The following XIRP2 variants were observed in gnomAD, a reference collection of about 807,000 sequenced individuals.
XIRP2 encodes the protein xin actin binding repeat containing 2.
XIRP2 carries 236 observed loss-of-function variants against 277.0 expected under a neutral mutation model. That is an observed-to-expected ratio of 0.85 (90% CI 0.77 to 0.95). XIRP2 has a LOEUF of 0.95. XIRP2 is among the 40% of genes least tolerant of loss of function. The pLI is 0.00. For missense variants in XIRP2, 4,640 were observed against 4,157.5 expected, an observed-to-expected ratio of 1.12 and a Z score of -3.19; for synonymous variants, 1,490 against 1,416.5, an observed-to-expected ratio of 1.05 and a Z score of -1.17.
intron 2 of XIRP2, among the ~76,000 whole-genome samples, chr2:167,035,333 C>T (rs947049753): frequency 1.3e-5 from 2 of 152,124 alleles, no homozygotes; most frequent in Non-Finnish European, 2.9e-5. Context: ...TTGTTGAATG[C>T]CTTTGTTGAA....
intron 2 of XIRP2, among the ~76,000 whole-genome samples, chr2:166,947,881 AT>A (rs1685921413): frequency 6.6e-6 from 1 of 152,128 alleles, no homozygotes; most frequent in African/African-American, 2.4e-5. Flanking sequence ...AAGTGAATGG[AT>A]AAACTGGTAC....
intron 2 of XIRP2, among the ~76,000 whole-genome samples, chr2:166,920,163 TA>T (rs1685000064): frequency 6.6e-6 from 1 of 152,300 alleles, no homozygotes; most frequent in African/African-American, 2.4e-5. Flanking sequence ...ATCTACCAGG[TA>T]CTGAGCTGAA....
At chr2:166,995,024 G>A (rs1243921310) in intron 2 of XIRP2, among the ~76,000 whole-genome samples, 2 of 151,656 alleles carry the variant, frequency 1.3e-5, no homozygotes, top group East Asian at 3.9e-4. Context: ...TGGGACTACA[G>A]GTGCGCACCA....
chr2:167,000,591 G>C (rs1346441870), intron 2 of XIRP2, among the ~76,000 whole-genome samples: 3 of 150,272 alleles, frequency 2.0e-5, no homozygotes, highest in South Asian at 4.2e-4. Context: ...TGTTTCTTTT[G>C]TTATGTTTGT....
At chr2:167,154,193 T>G (rs1227660517) in intron 3 of XIRP2, among the ~76,000 whole-genome samples, 2 of 149,532 alleles carry the variant, frequency 1.3e-5, no homozygotes, top group Non-Finnish European at 3.0e-5. Flanking sequence ...GTTTTTTGGC[T>G]GCATAAATGT....
intron 2 of XIRP2, among the ~76,000 whole-genome samples, chr2:167,111,867 T>C (rs1256525506): frequency 6.6e-6 from 1 of 152,040 alleles, no homozygotes. Flanking sequence ...GTCTCTCACT[T>C]TCTTCCTGGT....
intron 2 of XIRP2, among the ~76,000 whole-genome samples, chr2:167,083,520 T>A (rs951187597): frequency 1.1e-4 from 16 of 152,220 alleles, no homozygotes; most frequent in Non-Finnish European, 5.9e-5. Flanking sequence ...ATTGAATCTG[T>A]AAATTACCTT....
At chr2:167,166,256 T>C (rs1692517248) in intron 3 of XIRP2, among the ~76,000 whole-genome samples, 1 of 152,202 alleles carries the variant, frequency 6.6e-6, no homozygotes, top group Non-Finnish European at 1.5e-5. Flanking sequence ...ATCCATATTT[T>C]TGGGAATTTT....
intron 2 of XIRP2, among the ~76,000 whole-genome samples, chr2:166,959,520 T>C (rs1686248960): frequency 6.6e-6 from 1 of 151,814 alleles, no homozygotes; most frequent in Non-Finnish European, 1.5e-5. Context: ...AGTGTTTCCC[T>C]CATTCTGGAT....
At chr2:167,037,778 G>T (rs919409905) in intron 2 of XIRP2, among the ~76,000 whole-genome samples, 1 of 151,956 alleles carries the variant, frequency 6.6e-6, no homozygotes, top group Non-Finnish European at 1.5e-5. Flanking sequence ...AAGAGTCTAT[G>T]TAAAGAATTA....
chr2:166,898,559 T>C (rs75832042), intron 1 of XIRP2, among the ~76,000 whole-genome samples: 2,113 of 152,280 alleles, frequency 0.014, 47 homozygotes, highest in African/African-American at 0.045. Context: ...AGAGATCTTT[T>C]GTATGATTTA....
In XIRP2 at chr2:167,259,603, T is replaced by C. The variant is rs118112311; in HGVS notation, c.*1786T>C. 1,324 of 398,478 alleles carry C rather than the reference T, an allele frequency of 3.3e-3. 18 individuals are homozygous for C. In the East Asian group the frequency reaches 0.035, roughly 11 times the overall value. 24.7% of individuals were successfully genotyped at this position (398,478 alleles called of 1,614,324 possible). A position where few individuals can be genotyped will look rare whatever the true frequency, so the allele number is the denominator to read the frequency against. ...GAGATGAAACACTATGGATATGTTT[T>C]CCATTCAAATGGCACTTTAGCATAT... On this transcript the variant is annotated 3_prime_UTR_variant, in exon 11 of 11. Transcript: ENST00000409195.
In XIRP2 at chr2:167,243,480, T is replaced by C; in HGVS notation, c.2088T>C (p.Phe696=). 6.2e-7 allele frequency: 1 copy of C among 1,614,084 alleles called. No individual in the cohort carries two copies. The highest frequency in any genetic ancestry group is 1.7e-5 in the Admixed American group (1 of 60,022). ...ATGTCAAGACTGTGAGATACATGTT[T>C]GAAACTCAACATCTAGATCAACTTG... The part of the protein sequence containing the change: ...GGDVKTVRYM[F]ETQHLDQLGQ... Residue 696 remains phenylalanine, a synonymous_variant, in exon 9 of 11, where the codon TTT becomes TTC. Transcript: ENST00000409195.
At position 167,201,246 on chromosome 2, in the gene XIRP2, GAA is replaced by G. The variant is rs879388785; in HGVS notation, c.563-9487_563-9486del. Among the ~76,000 whole-genome samples, 32 of 96,722 alleles carry G rather than the reference GAA, an allele frequency of 3.3e-4. 1 individual carries two copies. Among genetic ancestry groups the G allele is most frequent in the African/African-American group, 1.8e-3 (25 of 13,932 alleles). 63.5% of individuals were successfully genotyped at this position (96,722 alleles called of 152,430 possible). On this transcript the variant is annotated intron_variant, in intron 3 of 10. Coordinates refer to ENST00000409195, the MANE Select transcript of XIRP2 (RefSeq NM_152381.6). ...AGAAAGAAAGAAAGAAAGAAAGAAA[GAA>G]AGAAAGAAAGAAAGAGAGAGGGAGA...
At chr2:167,001,811 T>C (rs963820067) in intron 2 of XIRP2, among the ~76,000 whole-genome samples, 1 of 152,174 alleles carries the variant, frequency 6.6e-6, no homozygotes, top group Non-Finnish European at 1.5e-5. Flanking sequence ...TCTCTAAATG[T>C]AACTATAGTT....
intron 2 of XIRP2, among the ~76,000 whole-genome samples, chr2:166,909,458 A>G (rs1164637825): frequency 2.0e-5 from 3 of 152,146 alleles, no homozygotes; most frequent in Admixed American, 2.0e-4. Context: ...ATTTTTGCAC[A>G]TTGATTTTGT....
At chr2:167,069,713 C>G (rs989895421) in intron 2 of XIRP2, among the ~76,000 whole-genome samples, 2 of 152,092 alleles carry the variant, frequency 1.3e-5, no homozygotes, top group African/African-American at 4.8e-5. Context: ...TGTTTCTTGC[C>G]CATGCGCAGA....
intron 2 of XIRP2, among the ~76,000 whole-genome samples, chr2:167,077,669 T>C (rs1477076797): frequency 1.3e-5 from 2 of 152,170 alleles, no homozygotes; most frequent in Non-Finnish European, 2.9e-5. Context: ...GGGGAAAGTA[T>C]GGTTCTACCA....
intron 2 of XIRP2, among the ~76,000 whole-genome samples, chr2:167,114,261 G>A (rs1039465199): frequency 2.6e-5 from 4 of 152,042 alleles, no homozygotes; most frequent in Non-Finnish European, 4.4e-5. Flanking sequence ...TTTCAGAGAC[G>A]CCAATGCGTC....
Sources: allele counts gnomAD v4.1 joint callset (sites outside exome capture counted in the v4.1 genomes callset), GRCh38; gene constraint gnomAD v4.1.1; transcripts MANE v1.5; gene names NCBI Gene and HGNC (gene_info 2026-07-23, HGNC 2026-07-21).